FAM13A: variants seen among roughly 807,000 people sequenced by gnomAD.
FAM13A encodes the protein protein FAM13A.
A neutral mutation model predicts 129.6 loss-of-function variants in FAM13A; 76 were observed. The observed-to-expected ratio is 0.59, with a 90% CI of 0.49 to 0.71. FAM13A has a LOEUF of 0.71. FAM13A is among the 30% of genes least tolerant of loss of function. FAM13A has a pLI of 0.00. For missense variants in FAM13A, 1,108 were observed against 1,249.3 expected (o/e 0.89, Z 1.70); for synonymous variants, 443 against 449.9 (o/e 0.98, Z 0.20).
intron 1 of FAM13A, among the ~76,000 whole-genome samples, chr4:89,047,679 CA>C (rs1771044593): frequency 6.6e-6 from 1 of 152,152 alleles, no homozygotes; most frequent in African/African-American, 2.4e-5. Flanking sequence ...AGTGTTACTA[CA>C]GGGGGAACCA....
At chr4:88,908,578 C>T (rs1579222498) in intron 5 of FAM13A, among the ~76,000 whole-genome samples, 1 of 152,278 alleles carries the variant, frequency 6.6e-6, no homozygotes, top group East Asian at 1.9e-4. Flanking sequence ...GGGCACAAGG[C>T]TGACAGTCAA....
chr4:88,738,556 A>G (rs1739482040), intron 20 of FAM13A, among the ~76,000 whole-genome samples: 1 of 152,130 alleles, frequency 6.6e-6, no homozygotes, highest in African/African-American at 2.4e-5. Context: ...ACCTTGCCAC[A>G]TCCTCCAAGA....
rs116615764 is a variant in FAM13A, at chr4:88,857,205, G to C, written c.844-6022C>G. ...AGTAAAAATGGGACAATGTTAAACAGTTATAACTAATTAAAATCTCATCTT... is the reference window on the plus strand; with the variant it reads ...AGTAAAAATGGGACAATGTTAAACACTTATAACTAATTAAAATCTCATCTT... On this transcript the variant is annotated intron_variant, in intron 6 of 23. Transcript: ENST00000264344. Among the ~76,000 whole-genome samples the C allele has an allele frequency of 4.2e-3, 633 of 152,194 alleles. 4 individuals are homozygous for C. Among genetic ancestry groups the C allele is most frequent in the African/African-American group, 0.015 (612 of 41,524 alleles).
Position 88,749,876 on chromosome 4 carries a change from A to G in FAM13A, c.1974T>C (p.Asp658=), listed in dbSNP as rs761574196. The G allele has an allele frequency of 2.5e-6, 4 of 1,613,818 alleles. No individual in the cohort carries two copies. Among genetic ancestry groups the G allele is most frequent in the Admixed American group, 1.7e-5 (1 of 60,000 alleles). Residue 658 remains aspartate, a synonymous_variant, in exon 16 of 24, where the codon GAT becomes GAC. Coordinates refer to ENST00000264344, the MANE Select transcript of FAM13A (RefSeq NM_014883.4). ...RRSSSLGSYD[D]EQEDLTPAQL... is the part of the protein sequence containing the mutation. ...GGGCAGGTGTCAGGTCCTCTTGCTC[A>G]TCATCATAGGACCCCAGAGAGGAGC... is the stretch of plus-strand genomic sequence containing the variant.
At chr4:88,839,273 C>A (rs977747712) in intron 7 of FAM13A, among the ~76,000 whole-genome samples, 1 of 152,086 alleles carries the variant, frequency 6.6e-6, no homozygotes, top group Non-Finnish European at 1.5e-5. Context: ...ATAGATCTAA[C>A]AGCAATTATT....
chr4:88,738,974 A>C, intron 20 of FAM13A, 56 bp downstream of exon 20: 155 of 1,010,060 alleles, frequency 1.5e-4, no homozygotes, highest in Non-Finnish European at 2.3e-4. Context: ...TCATATATCC[A>C]GGGCCCATTC....
intron 19 of FAM13A, among the ~76,000 whole-genome samples, chr4:88,741,345 T>A (rs973897135): frequency 6.6e-6 from 1 of 152,214 alleles, no homozygotes; most frequent in African/African-American, 2.4e-5. Flanking sequence ...ATATGCATCA[T>A]GGATTAACCT....
At chr4:89,027,463 T>C (rs1768112519) in intron 2 of FAM13A, among the ~76,000 whole-genome samples, 1 of 151,262 alleles carries the variant, frequency 6.6e-6, no homozygotes, top group African/African-American at 2.4e-5. Context: ...TGAGTTATGA[T>C]CACATCATGG....
chr4:88,990,053 T>C (rs1762747046), intron 4 of FAM13A: 1 of 152,198 alleles, frequency 6.6e-6, no homozygotes, highest in Admixed American at 6.5e-5. Context: ...ACATATCCTA[T>C]GAAATGCCAT....
chr4:88,868,023 A>T (rs1740740542), intron 6 of FAM13A, among the ~76,000 whole-genome samples: 1 of 152,174 alleles, frequency 6.6e-6, no homozygotes, highest in South Asian at 2.1e-4. Flanking sequence ...GTTAAGATTG[A>T]TTTTGCCAAG....
intron 3 of FAM13A, among the ~76,000 whole-genome samples, 197 bp downstream of exon 3, chr4:89,020,263 G>T (rs1482998007): frequency 1.4e-5 from 2 of 142,802 alleles, no homozygotes; most frequent in East Asian, 4.1e-4. Context: ...AATAAAACTG[G>T]TTTTTTTTTT....
intron 7 of FAM13A, among the ~76,000 whole-genome samples, chr4:88,819,987 A>G (rs1456624812): frequency 1.3e-5 from 2 of 152,224 alleles, no homozygotes; most frequent in Non-Finnish European, 2.9e-5. Flanking sequence ...GTTTCTAAAC[A>G]GCCAACTCCA....
intron 1 of FAM13A, among the ~76,000 whole-genome samples, chr4:89,056,184 C>G (rs1302517735): frequency 1.3e-5 from 2 of 152,090 alleles, no homozygotes; most frequent in African/African-American, 4.8e-5. Flanking sequence ...CAGATATATG[C>G]ATTTTCTATA....
At chr4:89,005,335 T>C (rs369294847) in intron 3 of FAM13A, among the ~76,000 whole-genome samples, 1 of 152,228 alleles carries the variant, frequency 6.6e-6, no homozygotes, top group Non-Finnish European at 1.5e-5. Flanking sequence ...TTTAGGTTGA[T>C]TCCATGTCTT....
intron 10 of FAM13A, among the ~76,000 whole-genome samples, chr4:88,782,887 T>C (rs1199835146): frequency 6.6e-6 from 1 of 152,178 alleles, no homozygotes; most frequent in Non-Finnish European, 1.5e-5. Context: ...TTGGTGTAAT[T>C]CTAAAACTCA....
rs542739282 is a variant in FAM13A, at chr4:89,006,460, C to T, written c.427+14000G>A. On this transcript the variant is annotated intron_variant, in intron 3 of 23. Coordinates refer to ENST00000264344, the MANE Select transcript of FAM13A (RefSeq NM_014883.4). ...CTGCGCCCCACTGTGGGACTTGCAACAGGGGTGTGGCTTGCTTACTCAAAC... is the reference window on the plus strand; with the variant it reads ...CTGCGCCCCACTGTGGGACTTGCAATAGGGGTGTGGCTTGCTTACTCAAAC... Among the ~76,000 whole-genome samples the T allele has an allele frequency of 2.0e-4, 30 of 152,286 alleles. No homozygotes were observed. In the South Asian group the frequency reaches 2.9e-3, roughly 15 times the overall value.
intron 5 of FAM13A, among the ~76,000 whole-genome samples, chr4:88,933,902 T>TC (rs1753438380): frequency 6.6e-6 from 1 of 152,178 alleles, no homozygotes; most frequent in Admixed American, 6.5e-5. Context: ...GTCAAAGTCC[T>TC]CAAAATGATC....
chr4:88,771,150 C>CTTTT (rs1429890852), intron 11 of FAM13A, among the ~76,000 whole-genome samples: 3 of 40,502 alleles, frequency 7.4e-5, no homozygotes, highest in African/African-American at 1.6e-4. Flanking sequence ...ACCCGGAAAG[C>CTTTT]ATTTTTTTTT....
Position 88,782,407 on chromosome 4 carries a change from T to C in FAM13A, c.1272-1056A>G, listed in dbSNP as rs144724486. ...TTATTCTCCTCCTTCGTGGTATGAG[T>C]GAGTTAATGTACCTCCCTAAACACC... On this transcript the variant is annotated intron_variant, in intron 10 of 23. Coordinates refer to ENST00000264344, the MANE Select transcript of FAM13A (RefSeq NM_014883.4). 1.9e-3 allele frequency among the ~76,000 whole-genome samples: 293 copies of C among 152,038 alleles called. 3 individuals carry two copies. The highest frequency in any genetic ancestry group is 6.6e-3 in the African/African-American group (273 of 41,468).
Sources: allele counts gnomAD v4.1 joint callset (sites outside exome capture counted in the v4.1 genomes callset), GRCh38; gene constraint gnomAD v4.1.1; transcripts MANE v1.5; gene names NCBI Gene and HGNC (gene_info 2026-07-23, HGNC 2026-07-21).